The following NTNG1 variants were observed in gnomAD, a reference collection of about 807,000 sequenced individuals.
NTNG1 encodes the protein netrin G1.
NTNG1 carries 16 observed loss-of-function variants against 54.0 expected under a neutral mutation model. That is an observed-to-expected ratio of 0.30 (90% CI 0.20 to 0.45). The LOEUF is 0.45. NTNG1 is among the 20% of genes least tolerant of loss of function. The pLI is 1.00. For synonymous variants in NTNG1, 255 were observed against 263.1 expected (o/e 0.97, Z 0.30); for missense variants, 530 against 678.7 (o/e 0.78, Z 2.43).
intron 2 of NTNG1, among the ~76,000 whole-genome samples, chr1:107,258,436 T>C (rs1387471222): frequency 6.6e-6 from 1 of 152,186 alleles, no homozygotes; most frequent in Non-Finnish European, 1.5e-5. Flanking sequence ...TTAAATTGCA[T>C]TTTATTAAAA....
chr1:107,418,251 G>A (rs1403425692), intron 5 of NTNG1, among the ~76,000 whole-genome samples: 2 of 151,996 alleles, frequency 1.3e-5, no homozygotes, highest in Non-Finnish European at 2.9e-5. Context: ...TTATCTTCTA[G>A]TTTCAGGCAC....
intron 3 of NTNG1, among the ~76,000 whole-genome samples, chr1:107,361,374 C>CACATAT (rs1285054598): frequency 1.0e-4 from 9 of 87,966 alleles, no homozygotes; most frequent in African/African-American, 2.2e-4. Context: ...TATATATATA[C>CACATAT]ATATATATAT....
chr1:107,236,388 C>T (rs1486552082), intron 2 of NTNG1, among the ~76,000 whole-genome samples: 2 of 151,994 alleles, frequency 1.3e-5, no homozygotes, highest in Admixed American at 6.6e-5. Flanking sequence ...GCAGACAGAC[C>T]TAAGGCATAT....
intron 2 of NTNG1, among the ~76,000 whole-genome samples, chr1:107,319,865 T>TTTTATATATA (rs143435452): frequency 4.2e-4 from 62 of 147,934 alleles, no homozygotes; most frequent in African/African-American, 5.5e-4. Flanking sequence ...TACCTGAGGT[T>TTTTATATATA]TATATATATA....
intron 2 of NTNG1, among the ~76,000 whole-genome samples, chr1:107,203,758 T>C (rs565668602): frequency 2.0e-5 from 3 of 151,766 alleles, no homozygotes; most frequent in South Asian, 2.1e-4. Flanking sequence ...CTTTACTCTA[T>C]ACTTTGAATT....
At chr1:107,383,319 T>C (rs1671760802) in intron 3 of NTNG1, among the ~76,000 whole-genome samples, 1 of 152,156 alleles carries the variant, frequency 6.6e-6, no homozygotes, top group Non-Finnish European at 1.5e-5. Flanking sequence ...GAGCATTAGG[T>C]TTATTCTTGC....
chr1:107,421,396 A>C (rs1292602336), intron 5 of NTNG1, among the ~76,000 whole-genome samples: 1 of 152,084 alleles, frequency 6.6e-6, no homozygotes, highest in East Asian at 1.9e-4. Context: ...TAAGAATTAC[A>C]ATGGTTGAGG....
chr1:107,442,242 A>G (rs1187891022), intron 7 of NTNG1, among the ~76,000 whole-genome samples: 1 of 152,180 alleles, frequency 6.6e-6, no homozygotes, highest in African/African-American at 2.4e-5. Flanking sequence ...AGCAAACACT[A>G]TTAAAAATCT....
intron 2 of NTNG1, among the ~76,000 whole-genome samples, chr1:107,172,922 C>T (rs991655583): frequency 2.6e-5 from 4 of 152,146 alleles, no homozygotes; most frequent in Admixed American, 2.0e-4. Flanking sequence ...TGTCCTTCTG[C>T]AGTCTATGTG....
chr1:107,246,661 G>A (rs17018665), intron 2 of NTNG1, among the ~76,000 whole-genome samples: 33,438 of 151,548 alleles, frequency 0.22, 6,416 homozygotes, highest in African/African-American at 0.52. Flanking sequence ...TTTTTATTGC[G>A]GTAGCTACTA....
At chr1:107,257,657 A>G (rs1319830637) in intron 2 of NTNG1, among the ~76,000 whole-genome samples, 4 of 152,200 alleles carry the variant, frequency 2.6e-5, no homozygotes, top group Admixed American at 6.5e-5. Context: ...ATGGGGGTCT[A>G]TGGATGGGCA....
intron 2 of NTNG1, among the ~76,000 whole-genome samples, chr1:107,291,763 C>T (rs1052800599): frequency 1.3e-5 from 2 of 152,072 alleles, no homozygotes; most frequent in Non-Finnish European, 2.9e-5. Context: ...AATACATTTT[C>T]TAAATTCTAT....
intron 2 of NTNG1, among the ~76,000 whole-genome samples, chr1:107,204,898 T>C (rs1238175046): frequency 6.6e-6 from 1 of 152,100 alleles, no homozygotes; most frequent in Non-Finnish European, 1.5e-5. Context: ...AGAGCTCCTA[T>C]TGAGAGCAGG....
intron 3 of NTNG1, among the ~76,000 whole-genome samples, chr1:107,377,382 A>C (rs1671354735): frequency 6.6e-6 from 1 of 152,110 alleles, no homozygotes; most frequent in South Asian, 2.1e-4. Flanking sequence ...AAGCCCACCT[A>C]ATTTCCTGCC....
At chr1:107,266,362 G>T (rs536848673) in intron 2 of NTNG1, among the ~76,000 whole-genome samples, 1 of 152,250 alleles carries the variant, frequency 6.6e-6, no homozygotes, top group Admixed American at 6.5e-5. Context: ...GGCTGGGGAG[G>T]CCTAAGGAAA....
At chr1:107,165,044 G>C (rs980473618) in intron 2 of NTNG1, among the ~76,000 whole-genome samples, 1 of 152,070 alleles carries the variant, frequency 6.6e-6, no homozygotes. Context: ...CGGGAAGGGC[G>C]GTTACAGAAC....
intron 2 of NTNG1, among the ~76,000 whole-genome samples, chr1:107,201,784 T>A (rs1042037904): frequency 1.3e-5 from 2 of 151,874 alleles, no homozygotes; most frequent in African/African-American, 4.8e-5. Context: ...ACACAGATAT[T>A]TCTTCAGGCA....
chr1:107,169,568 T>G (rs891481348), intron 2 of NTNG1, among the ~76,000 whole-genome samples: 1 of 152,144 alleles, frequency 6.6e-6, no homozygotes, highest in Non-Finnish European at 1.5e-5. Flanking sequence ...AGGAATAGTT[T>G]ATGCTGTTAC....
At chr1:107,178,554 A>T (rs1656823480) in intron 2 of NTNG1, among the ~76,000 whole-genome samples, 1 of 152,024 alleles carries the variant, frequency 6.6e-6, no homozygotes, top group African/African-American at 2.4e-5. Flanking sequence ...TTGTTAGGAC[A>T]TAGGTTCAAT....
Sources: gnomAD v4.1 joint callset for allele counts (sites outside exome capture counted in the v4.1 genomes callset) on GRCh38, gnomAD v4.1.1 for gene constraint, MANE v1.5 for transcripts, NCBI Gene and HGNC (gene_info 2026-07-23, HGNC 2026-07-21) for gene names.